Variants in ERI3 observed in about 807,000 individuals in gnomAD.
ERI3 encodes ERI1 exoribonuclease family member 3.
In ERI3, 18 loss-of-function variants were observed where a neutral mutation model predicts 44.4. That is an observed-to-expected ratio of 0.41 (90% CI 0.28 to 0.60). The LOEUF is 0.60. Among genes scored for constraint, ERI3 ranks in the 20% least tolerant of loss-of-function variants. The probability of loss-of-function intolerance (pLI) is 0.36; values close to 1 mark genes in which losing one functional copy is unlikely to be tolerated. For synonymous variants in ERI3, 183 were observed against 164.8 expected (o/e 1.11, Z -0.84); for missense variants, 294 against 435.5 (o/e 0.68, Z 2.89).
intron 5 of ERI3, among the ~76,000 whole-genome samples, chr1:44,310,944 G>A (rs1003423181): frequency 7.4e-6 from 1 of 135,434 alleles, no homozygotes; most frequent in Admixed American, 7.3e-5. Context: ...TTGCATGTAT[G>A]TGCACATCGC....
At chr1:44,315,615 C>T (rs1646071969) in intron 4 of ERI3, among the ~76,000 whole-genome samples, 1 of 152,256 alleles carries the variant, frequency 6.6e-6, no homozygotes, top group Admixed American at 6.5e-5. Context: ...GTGAGGTCAG[C>T]TCCTTCTCTC....
At chr1:44,231,920 T>C (rs1050062893) in intron 8 of ERI3, among the ~76,000 whole-genome samples, 3 of 152,178 alleles carry the variant, frequency 2.0e-5, no homozygotes, top group African/African-American at 7.2e-5. Flanking sequence ...GCTGGATGTT[T>C]TCGTAACTGC....
chr1:44,279,232 T>A (rs1189199961), intron 7 of ERI3, among the ~76,000 whole-genome samples: 3 of 133,658 alleles, frequency 2.2e-5, no homozygotes, highest in Non-Finnish European at 3.6e-5. Flanking sequence ...CACTGCCAAT[T>A]TTTTTTTATT....
chr1:44,279,952 C>T (rs459358), intron 7 of ERI3, among the ~76,000 whole-genome samples: 53,902 of 152,000 alleles, frequency 0.35, 10,805 homozygotes, highest in African/African-American at 0.55. Flanking sequence ...CCTCACTGAA[C>T]AGGGCTGGGT....
chr1:44,341,266 C>T (rs1255761617), intron 2 of ERI3, among the ~76,000 whole-genome samples: 1 of 152,206 alleles, frequency 6.6e-6, no homozygotes, highest in South Asian at 2.1e-4. Context: ...AACAATAGCA[C>T]CTACTCCTTA....
At chr1:44,287,063 C>T (rs1298049153) in intron 6 of ERI3, among the ~76,000 whole-genome samples, 1 of 152,146 alleles carries the variant, frequency 6.6e-6, no homozygotes, top group Non-Finnish European at 1.5e-5. Context: ...AGCATGCTTC[C>T]CCTTTCTGCA....
chr1:44,302,428 T>C (rs527785853), intron 6 of ERI3, among the ~76,000 whole-genome samples: 1 of 152,346 alleles, frequency 6.6e-6, no homozygotes, highest in African/African-American at 2.4e-5. Flanking sequence ...TGCAGCTCAG[T>C]GCTGGTACCA....
At chr1:44,282,063 C>T (rs555451958) in intron 7 of ERI3, among the ~76,000 whole-genome samples, 3 of 152,044 alleles carry the variant, frequency 2.0e-5, no homozygotes, top group African/African-American at 7.3e-5. Flanking sequence ...TCAGCAAACA[C>T]GGGCCTGCTC....
At chr1:44,339,634 A>C (rs1055445116) in intron 2 of ERI3, among the ~76,000 whole-genome samples, 3 of 152,162 alleles carry the variant, frequency 2.0e-5, no homozygotes, top group African/African-American at 7.2e-5. Flanking sequence ...TTCAAAAGAG[A>C]GAAGAGAGAA....
chr1:44,263,258 G>T (rs1219370465), intron 7 of ERI3, among the ~76,000 whole-genome samples: 6 of 152,302 alleles, frequency 3.9e-5, no homozygotes, highest in South Asian at 2.1e-4. Context: ...GGGCCCAAGC[G>T]ACCCAAGGAG....
At chr1:44,279,916 A>T (rs1000801785) in intron 7 of ERI3, among the ~76,000 whole-genome samples, 5 of 152,252 alleles carry the variant, frequency 3.3e-5, no homozygotes, top group Non-Finnish European at 7.3e-5. Context: ...TTCACAAGAA[A>T]CACTAGATAA....
At chr1:44,269,417 G>GAGTCAGACC (rs1481681324) in intron 7 of ERI3, among the ~76,000 whole-genome samples, 3 of 152,292 alleles carry the variant, frequency 2.0e-5, no homozygotes, top group Non-Finnish European at 4.4e-5. Flanking sequence ...CTAGTGCCTA[G>GAGTCAGACC]AGTCAGACCA....
At chr1:44,354,769 T>A in intron 1 of ERI3, 123 bp downstream of exon 1, 1 of 1,259,208 alleles carries the variant, frequency 7.9e-7, no homozygotes, top group Non-Finnish European at 1.0e-6. Context: ...GTAGATTAAG[T>A]AAGCATCCAG....
At chr1:44,285,271 A>G (rs1343985321) in intron 6 of ERI3, among the ~76,000 whole-genome samples, 1 of 152,226 alleles carries the variant, frequency 6.6e-6, no homozygotes, top group Non-Finnish European at 1.5e-5. Context: ...AGAAAATGAG[A>G]TGTAGAGAGG....
chr1:44,346,331 C>G (rs1178235995), intron 2 of ERI3, among the ~76,000 whole-genome samples: 1 of 152,226 alleles, frequency 6.6e-6, no homozygotes, highest in Non-Finnish European at 1.5e-5. Context: ...CAGGCTTGCT[C>G]TCCCCTTCAA....
intron 8 of ERI3, among the ~76,000 whole-genome samples, chr1:44,226,621 C>G (rs760766082): frequency 6.6e-6 from 1 of 151,946 alleles, no homozygotes; most frequent in Non-Finnish European, 1.5e-5. Context: ...ACAGGGGGAG[C>G]ATCTAGGATC....
At chr1:44,353,186 T>G in intron 1 of ERI3, 22 of 984,862 alleles carry the variant, frequency 2.2e-5, no homozygotes, top group Non-Finnish European at 2.7e-5. Flanking sequence ...AAGATAGCTA[T>G]GAAGTGGTGC....
At chr1:44,344,992 C>T (rs1646756068) in intron 2 of ERI3, among the ~76,000 whole-genome samples, 2 of 152,172 alleles carry the variant, frequency 1.3e-5, no homozygotes, top group African/African-American at 4.8e-5. Context: ...ATTTACACAA[C>T]AGACACCAAT....
At chr1:44,321,566 C>A (rs325142) in intron 3 of ERI3, among the ~76,000 whole-genome samples, 2,162 of 152,296 alleles carry the variant, frequency 0.014, 54 homozygotes, top group African/African-American at 0.049. Context: ...CCTGCAAAAT[C>A]AGGTATCCAG....
Sources: allele counts gnomAD v4.1 joint callset (sites outside exome capture counted in the v4.1 genomes callset), GRCh38; gene constraint gnomAD v4.1.1; transcripts MANE v1.5; gene names NCBI Gene and HGNC (gene_info 2026-07-23, HGNC 2026-07-21).